The following MDN1 variants were observed in gnomAD, a reference collection of about 807,000 sequenced individuals.
MDN1 encodes midasin AAA ATPase 1.
Under a neutral mutation model 669.2 loss-of-function variants are expected in MDN1, and 266 were observed. The observed-to-expected ratio is 0.40, with a 90% CI of 0.36 to 0.44. The LOEUF (loss-of-function observed/expected upper bound fraction) is 0.44, where lower values mean the gene tolerates loss of function less well. Among genes scored for constraint, MDN1 ranks in the 20% least tolerant of loss-of-function variants. The pLI is 1.00. For missense variants in MDN1, 5,940 were observed against 6,754.0 expected (o/e 0.88, Z 4.22); for synonymous variants, 2,385 against 2,457.1 (o/e 0.97, Z 0.87).
intron 79 of MDN1, among the ~76,000 whole-genome samples, 165 bp downstream of exon 79, chr6:89,673,938 CT>C (rs960489886): frequency 1.3e-5 from 2 of 151,950 alleles, no homozygotes; most frequent in African/African-American, 2.4e-5. Context: ...ATGACACCCC[CT>C]ATCCCCACCC....
rs1034114777 is a variant in MDN1 at position 89,675,681 on chromosome 6, C to T, written c.12646-102G>A. The T allele has an allele frequency of 1.9e-5, 17 of 895,636 alleles. No homozygotes were observed. In the African/African-American group the frequency reaches 2.0e-4, roughly 10 times the overall value. 55.5% of individuals were successfully genotyped at this position (895,636 alleles called of 1,614,324 possible). A position where few individuals can be genotyped will look rare whatever the true frequency, so the allele number is the denominator to read the frequency against. ...TCTACTATAAGCGTCAGACATGCCA[C>T]ACTCTAGAGGTGACATATTCATTTT... On this transcript the variant is annotated intron_variant, in intron 77 of 101. Transcript: ENST00000369393.
chr6:89,783,460 T>TGCA (rs1485136970), intron 9 of MDN1, among the ~76,000 whole-genome samples: 2 of 152,214 alleles, frequency 1.3e-5, no homozygotes, highest in African/African-American at 4.8e-5. Context: ...AGACAATACG[T>TGCA]GCACCGCTGA....
intron 33 of MDN1, among the ~76,000 whole-genome samples, chr6:89,736,590 A>G (rs1815988166): frequency 6.6e-6 from 1 of 151,340 alleles, no homozygotes; most frequent in Non-Finnish European, 1.5e-5. Context: ...CAGGAGTTCC[A>G]GACTAGCCTG....
intron 15 of MDN1, among the ~76,000 whole-genome samples, chr6:89,765,177 G>A (rs1817750039): frequency 6.6e-6 from 1 of 152,154 alleles, no homozygotes; most frequent in African/African-American, 2.4e-5. Context: ...AGAATGGCGT[G>A]AACCCGGGAA....
intron 15 of MDN1, 88 bp from the exon 16 acceptor site, chr6:89,762,618 C>T (rs1224910282): frequency 1.5e-5 from 14 of 906,894 alleles, no homozygotes; most frequent in Non-Finnish European, 2.4e-5. Context: ...GAGTAGGTCT[C>T]AGATTTCATT....
rs1242140298 is a variant in MDN1 at position 89,650,695 on chromosome 6, CAG to C, written c.16031+35_16031+36del. On this transcript the variant is annotated intron_variant, in intron 96 of 101. Coordinates refer to ENST00000369393, the MANE Select transcript of MDN1 (RefSeq NM_014611.3). ...AGAATCAATGAAGCTGCCGTCTTCT[CAG>C]GGCACTGTGAGGCCTTCCAGAGGGG... The C allele has an allele frequency of 1.1e-5, 16 of 1,507,886 alleles. No individual in the cohort carries two copies. In the Admixed American group the frequency reaches 2.7e-4, roughly 26 times the overall value. The allele number at this position is 1,507,886 out of a possible 1,614,324, so 93.4% of individuals were successfully genotyped here. A position where few individuals can be genotyped will look rare whatever the true frequency, so the allele number is the denominator to read the frequency against.
At chr6:89,789,953 G>C in intron 6 of MDN1, 42 bp from the exon 7 acceptor site, 1 of 1,602,988 alleles carries the variant, frequency 6.2e-7, no homozygotes, top group Non-Finnish European at 8.5e-7. Flanking sequence ...AACCATACCT[G>C]TAGTGGCAAT....
At chr6:89,690,953 G>T in intron 63 of MDN1, 119 bp from the exon 64 acceptor site, 1 of 1,221,002 alleles carries the variant, frequency 8.2e-7, no homozygotes, top group Non-Finnish European at 1.1e-6. Flanking sequence ...ACAAATAAAA[G>T]CCAACATCCA....
At chr6:89,702,163 G>GA in intron 53 of MDN1, 102 bp from the exon 54 acceptor site, 1 of 1,154,698 alleles carries the variant, frequency 8.7e-7, no homozygotes, top group Non-Finnish European at 1.2e-6. Flanking sequence ...CATCTCCCGG[G>GA]AAAAGACACA....
chr6:89,656,041 A>G, intron 91 of MDN1, 73 bp from the exon 92 acceptor site: 2 of 1,328,448 alleles, frequency 1.5e-6, no homozygotes, highest in Middle Eastern at 1.8e-4. Context: ...CATAATATCC[A>G]TCTATAGGGG....
At chr6:89,683,055 G>A in intron 73 of MDN1, 77 bp downstream of exon 73, 1 of 1,412,642 alleles carries the variant, frequency 7.1e-7, no homozygotes, top group African/African-American at 1.4e-5. Flanking sequence ...CTAGTACTGA[G>A]GCATGCCTTG....
chr6:89,651,933 C>T (rs1808901242), intron 95 of MDN1, among the ~76,000 whole-genome samples: 1 of 150,324 alleles, frequency 6.7e-6, no homozygotes, highest in African/African-American at 2.5e-5. Flanking sequence ...CAACTATTAA[C>T]ATCCATTACA....
intron 56 of MDN1, among the ~76,000 whole-genome samples, 166 bp from the exon 57 acceptor site, chr6:89,700,460 C>T (rs1562109927): frequency 6.6e-6 from 1 of 152,150 alleles, no homozygotes; most frequent in African/African-American, 2.4e-5. Flanking sequence ...TTAATACCCA[C>T]ATGATTCTGA....
At chr6:89,786,257 CA>C (rs1171180449) in intron 8 of MDN1, among the ~76,000 whole-genome samples, 1 of 151,100 alleles carries the variant, frequency 6.6e-6, no homozygotes, top group African/African-American at 2.4e-5. Flanking sequence ...GACTCGGTCT[CA>C]AAAAAAATTA....
rs370169447 is a variant in MDN1, at chr6:89,687,401, C to T, written c.11393G>A (p.Arg3798Gln). 128 of 1,613,910 alleles carry T rather than the reference C, an allele frequency of 7.9e-5. No homozygotes were observed. Among genetic ancestry groups the T allele is most frequent in the Middle Eastern group, 3.3e-4 (2 of 6,062 alleles). Residue 3798 changes from arginine (R) to glutamine (Q), a missense_variant, in exon 68 of 102, where the codon CGG (arginine) becomes CAG (glutamine). Physicochemically the swap from Arg to Gln is conservative, Grantham distance 43. Transcript: ENST00000369393. ...CTGACTGATCAAATCAAGATGTTTC[C>T]GCAAAGACAAAGCTCGACTTGCATT... is the stretch of plus-strand genomic sequence containing the variant. ...EENASRALSL[R>Q]KHLDLISQMI...
At chr6:89,668,333 T>A (rs1486861855) in intron 83 of MDN1, among the ~76,000 whole-genome samples, 182 bp from the exon 84 acceptor site, 1 of 152,264 alleles carries the variant, frequency 6.6e-6, no homozygotes, top group Non-Finnish European at 1.5e-5. Context: ...TGCTAATAGT[T>A]ATGCAGTTTC....
chr6:89,790,290 T>G lies in MDN1; in HGVS notation c.967A>C (p.Asn323His). 3.1e-6 allele frequency: 5 copies of G among 1,614,058 alleles called. No individual in the cohort carries two copies. The highest frequency in any genetic ancestry group is 4.2e-6 in the Non-Finnish European group (5 of 1,180,014). ...ATTGGTCCTTCCAACAACACAGCAT[T>G]CTGAGAAGCAACCGCCATAGCCAGG... The part of the protein sequence containing the change: ...QTLAMAVASQ[N>H]AVLLEGPIGC... The change falls in exon 6 of 102, where the codon AAT becomes CAT. Residue 323 changes from asparagine (N) to histidine (H), a missense_variant. Coordinates refer to ENST00000369393, the MANE Select transcript of MDN1 (RefSeq NM_014611.3).
At chr6:89,676,279 T>C (rs1263172369) in intron 76 of MDN1, 72 bp from the exon 77 acceptor site, 1 of 1,345,172 alleles carries the variant, frequency 7.4e-7, no homozygotes, top group Non-Finnish European at 1.1e-6. Flanking sequence ...AAAACTCAGA[T>C]ATTGGTATAT....
chr6:89,670,529 A>T (rs1326075910), intron 83 of MDN1, among the ~76,000 whole-genome samples: 2 of 152,114 alleles, frequency 1.3e-5, no homozygotes, highest in African/African-American at 4.8e-5. Context: ...TAATTACACC[A>T]ACATGGTTAA....
Sources: allele counts gnomAD v4.1 joint callset (sites outside exome capture counted in the v4.1 genomes callset), GRCh38; gene constraint gnomAD v4.1.1; transcripts MANE v1.5; gene names NCBI Gene and HGNC (gene_info 2026-07-23, HGNC 2026-07-21).